The following HS6ST3 variants were observed in gnomAD, a reference collection of about 807,000 sequenced individuals.
HS6ST3 encodes heparan-sulfate 6-O-sulfotransferase 3.
Under a neutral mutation model 36.7 loss-of-function variants are expected in HS6ST3, and 12 were observed. The ratio of observed to expected loss-of-function variants is 0.33; its 90% CI spans 0.21 to 0.53. The LOEUF (loss-of-function observed/expected upper bound fraction) is 0.53, where lower values mean the gene tolerates loss of function less well. Among genes scored for constraint, HS6ST3 ranks in the 20% least tolerant of loss-of-function variants. The pLI is 0.95. For synonymous variants in HS6ST3, 240 were observed against 257.5 expected, an observed-to-expected ratio of 0.93 and a Z score of 0.65; for missense variants, 584 against 640.9, an observed-to-expected ratio of 0.91 and a Z score of 0.96.
chr13:96,512,442 C>T (rs2056053558), intron 1 of HS6ST3, among the ~76,000 whole-genome samples: 1 of 152,170 alleles, frequency 6.6e-6, no homozygotes, highest in African/African-American at 2.4e-5. Context: ...ATTTGGAACT[C>T]TTGATTGTGG....
intron 1 of HS6ST3, among the ~76,000 whole-genome samples, chr13:96,404,562 A>G (rs1278963453): frequency 1.3e-5 from 2 of 152,220 alleles, no homozygotes; most frequent in African/African-American, 4.8e-5. Context: ...CAGGAGAGGA[A>G]TAGAAGACAT....
intron 1 of HS6ST3, among the ~76,000 whole-genome samples, chr13:96,380,277 T>C (rs1052881973): frequency 1.1e-4 from 16 of 151,936 alleles, no homozygotes; most frequent in Middle Eastern, 3.4e-3. Context: ...TTTTTTTTTT[T>C]TTTTCGAGAT....
At chr13:96,609,525 A>T (rs1566410403) in intron 1 of HS6ST3, among the ~76,000 whole-genome samples, 1 of 152,170 alleles carries the variant, frequency 6.6e-6, no homozygotes, top group Non-Finnish European at 1.5e-5. Flanking sequence ...TAGAAAACTC[A>T]TGACAAGCCA....
chr13:96,196,562 C>T (rs976840468), intron 1 of HS6ST3, among the ~76,000 whole-genome samples: 11 of 152,106 alleles, frequency 7.2e-5, no homozygotes, highest in Non-Finnish European at 2.9e-5. Flanking sequence ...GCCATGGGAC[C>T]AGTGAATGCT....
intron 1 of HS6ST3, among the ~76,000 whole-genome samples, chr13:96,230,435 T>A (rs1386781772): frequency 2.0e-5 from 3 of 152,124 alleles, no homozygotes; most frequent in Admixed American, 6.5e-5. Context: ...TGTTTGGAGA[T>A]GCTGAATTTG....
intron 1 of HS6ST3, among the ~76,000 whole-genome samples, chr13:96,749,712 T>A (rs1157484086): frequency 2.6e-5 from 4 of 152,136 alleles, no homozygotes; most frequent in Non-Finnish European, 5.9e-5. Context: ...CAAATTTTAA[T>A]TTCTTCTATG....
intron 1 of HS6ST3, among the ~76,000 whole-genome samples, chr13:96,399,505 A>G (rs2055438598): frequency 6.6e-6 from 1 of 152,256 alleles, no homozygotes; most frequent in Non-Finnish European, 1.5e-5. Flanking sequence ...TTTTTATATC[A>G]TCATCCTGAA....
At chr13:96,274,047 ATTCT>A (rs1271317853) in intron 1 of HS6ST3, among the ~76,000 whole-genome samples, 2 of 141,800 alleles carry the variant, frequency 1.4e-5, no homozygotes, top group Non-Finnish European at 3.1e-5. Flanking sequence ...TCTTTATTTG[ATTCT>A]TTCTTTCTTT....
At chr13:96,254,523 T>C (rs1366779815) in intron 1 of HS6ST3, among the ~76,000 whole-genome samples, 4 of 125,028 alleles carry the variant, frequency 3.2e-5, no homozygotes, top group African/African-American at 9.2e-5. Context: ...ACACACACTT[T>C]TTTCTTTTCA....
intron 1 of HS6ST3, among the ~76,000 whole-genome samples, chr13:96,329,923 T>C (rs1316306851): frequency 6.7e-6 from 1 of 149,358 alleles, no homozygotes; most frequent in Non-Finnish European, 1.5e-5. Context: ...ATTGATCCTT[T>C]TACCATTATG....
intron 1 of HS6ST3, among the ~76,000 whole-genome samples, chr13:96,334,704 A>C (rs569297285): frequency 2.6e-5 from 4 of 152,164 alleles, no homozygotes; most frequent in Non-Finnish European, 5.9e-5. Flanking sequence ...AGACTTATTC[A>C]CTACCACAAA....
At chr13:96,286,688 C>T (rs1435571148) in intron 1 of HS6ST3, among the ~76,000 whole-genome samples, 1 of 152,126 alleles carries the variant, frequency 6.6e-6, no homozygotes, top group Non-Finnish European at 1.5e-5. Flanking sequence ...CCAGAAATGG[C>T]ACCTTCACTC....
chr13:96,618,667 G>A (rs1485085333), intron 1 of HS6ST3, among the ~76,000 whole-genome samples: 1 of 152,164 alleles, frequency 6.6e-6, no homozygotes, highest in Non-Finnish European at 1.5e-5. Context: ...TTCTGACGTG[G>A]TACAATGCCT....
intron 1 of HS6ST3, among the ~76,000 whole-genome samples, chr13:96,166,571 C>CTTTCTTTTTTTTTTTTTTTTTTTTT (rs2054161189): frequency 7.1e-6 from 1 of 140,538 alleles, no homozygotes; most frequent in African/African-American, 2.7e-5. Flanking sequence ...TTCTTTCTTT[C>CTTTCTTTTTTTTTTTTTTTTTTTTT]TTTCTTTTTT....
intron 1 of HS6ST3, among the ~76,000 whole-genome samples, chr13:96,704,216 T>C (rs1405180470): frequency 1.3e-5 from 2 of 152,192 alleles, no homozygotes; most frequent in South Asian, 2.1e-4. Context: ...GTGGACTGTG[T>C]CTCTGGCTAA....
intron 1 of HS6ST3, among the ~76,000 whole-genome samples, chr13:96,720,460 G>A (rs1387504564): frequency 6.6e-6 from 1 of 152,000 alleles, no homozygotes; most frequent in Non-Finnish European, 1.5e-5. Flanking sequence ...TTTTGCACTA[G>A]CTTTATTTTG....
Position 96,716,644 on chromosome 13 carries a change from T to A in HS6ST3, c.708-115846T>A, listed in dbSNP as rs553774472. 2.0e-3 allele frequency among the ~76,000 whole-genome samples: 297 copies of A among 151,822 alleles called. 1 individual carries two copies. The highest frequency in any genetic ancestry group is 6.7e-3 in the African/African-American group (279 of 41,516). ...TATCATCTACCTATCATTTAATCAA[T>A]CATCATCTATCATCTGTCATTTCTC... On this transcript the variant is annotated intron_variant, in intron 1 of 1. Coordinates refer to ENST00000376705, the MANE Select transcript of HS6ST3 (RefSeq NM_153456.4).
intron 1 of HS6ST3, among the ~76,000 whole-genome samples, chr13:96,824,484 C>T (rs994922316): frequency 3.9e-5 from 6 of 152,192 alleles, no homozygotes; most frequent in African/African-American, 1.4e-4. Context: ...AATCAAAGGC[C>T]TTTTCGTAGC....
chr13:96,276,521 G>A (rs1402080488), intron 1 of HS6ST3, among the ~76,000 whole-genome samples: 1 of 152,120 alleles, frequency 6.6e-6, no homozygotes, highest in Non-Finnish European at 1.5e-5. Context: ...TTTGGAAAGA[G>A]GACCAGTATA....
Sources: gnomAD v4.1 joint callset for allele counts (sites outside exome capture counted in the v4.1 genomes callset) on GRCh38, gnomAD v4.1.1 for gene constraint, MANE v1.5 for transcripts, NCBI Gene and HGNC (gene_info 2026-07-23, HGNC 2026-07-21) for gene names.